Variants in MAST4 observed in about 807,000 individuals in gnomAD.
The protein encoded by MAST4 is microtubule-associated serine/threonine-protein kinase 4.
MAST4 carries 89 observed loss-of-function variants against 162.7 expected under a neutral mutation model. The ratio of observed to expected loss-of-function variants is 0.55; its 90% CI spans 0.46 to 0.65. MAST4 has a LOEUF of 0.65. Ranked by LOEUF, MAST4 falls within the 30% of genes least tolerant of loss-of-function variation. The pLI, the probability that MAST4 is intolerant of heterozygous loss-of-function variation, is 0.00. For missense variants in MAST4, 3,153 were observed against 3,374.0 expected (o/e 0.93, Z 1.62); for synonymous variants, 1,479 against 1,361.1 (o/e 1.09, Z -1.91).
intron 1 of MAST4, among the ~76,000 whole-genome samples, chr5:66,652,920 T>C (rs956825949): frequency 1.3e-5 from 2 of 152,220 alleles, no homozygotes; most frequent in Non-Finnish European, 2.9e-5. Context: ...TGAATCACTG[T>C]GCTCTTGATC....
chr5:66,969,316 T>C (rs59307039), intron 4 of MAST4, among the ~76,000 whole-genome samples: 23,374 of 152,102 alleles, frequency 0.15, 3,093 homozygotes, highest in African/African-American at 0.36. Flanking sequence ...GACTAGGAGT[T>C]ATGGTGCCTG....
At chr5:66,701,872 ATACTC>A (rs1413928796) in intron 1 of MAST4, among the ~76,000 whole-genome samples, 4 of 152,238 alleles carry the variant, frequency 2.6e-5, no homozygotes, top group African/African-American at 9.6e-5. Flanking sequence ...TTAGAGGACT[ATACTC>A]TACCTAAAAC....
chr5:66,692,304 G>T (rs547769535), intron 1 of MAST4, among the ~76,000 whole-genome samples: 13 of 152,012 alleles, frequency 8.6e-5, no homozygotes, highest in South Asian at 2.1e-4. Flanking sequence ...TATTCTTTTC[G>T]TTGCTTTTCT....
intron 3 of MAST4, among the ~76,000 whole-genome samples, chr5:66,894,622 C>T (rs1762563413): frequency 6.6e-6 from 1 of 152,134 alleles, no homozygotes; most frequent in Non-Finnish European, 1.5e-5. Flanking sequence ...TAGGATGAGG[C>T]CACCAATGAC....
chr5:67,142,588 G>T, intron 21 of MAST4, 55 bp downstream of exon 21: 2 of 1,187,212 alleles, frequency 1.7e-6, no homozygotes, highest in Non-Finnish European at 2.4e-6. Flanking sequence ...TCTCCCGCTG[G>T]CCAGATAGTA....
At chr5:66,693,897 C>A (rs989524931) in intron 1 of MAST4, among the ~76,000 whole-genome samples, 2 of 152,184 alleles carry the variant, frequency 1.3e-5, no homozygotes, top group Non-Finnish European at 1.5e-5. Flanking sequence ...ACAAAAAAAG[C>A]TTTATACAAG....
chr5:66,784,657 C>A (rs1379728019), intron 2 of MAST4, among the ~76,000 whole-genome samples: 3 of 151,942 alleles, frequency 2.0e-5, no homozygotes, highest in African/African-American at 7.3e-5. Flanking sequence ...CAATATTATT[C>A]TTTTGTGTGT....
intron 3 of MAST4, among the ~76,000 whole-genome samples, chr5:66,800,015 C>T (rs943944432): frequency 6.6e-6 from 1 of 152,134 alleles, no homozygotes; most frequent in African/African-American, 2.4e-5. Flanking sequence ...TCATCTTGGA[C>T]AAGAGGAGCT....
chr5:67,135,576 C>A (rs1010640350), intron 18 of MAST4, among the ~76,000 whole-genome samples: 1 of 152,172 alleles, frequency 6.6e-6, no homozygotes, highest in Non-Finnish European at 1.5e-5. Context: ...ATTTTGCAAG[C>A]CTTGCATATT....
chr5:67,076,413 T>C (rs534039402), intron 5 of MAST4, among the ~76,000 whole-genome samples: 73 of 151,898 alleles, frequency 4.8e-4, no homozygotes, highest in Non-Finnish European at 8.5e-4. Context: ...ACTAATAGTC[T>C]CTCCATCTGA....
At chr5:67,075,021 G>A (rs970821086) in intron 5 of MAST4, among the ~76,000 whole-genome samples, 1 of 152,128 alleles carries the variant, frequency 6.6e-6, no homozygotes, top group Non-Finnish European at 1.5e-5. Flanking sequence ...CAGTACTAAA[G>A]TTATCCCCTC....
chr5:66,823,135 C>T (rs190541801), intron 3 of MAST4, among the ~76,000 whole-genome samples: 81 of 152,192 alleles, frequency 5.3e-4, no homozygotes, highest in East Asian at 1.9e-3. Flanking sequence ...CCTGCCATGT[C>T]GTGAAGAAGG....
At chr5:67,027,479 A>G (rs1001179083) in intron 4 of MAST4, among the ~76,000 whole-genome samples, 12 of 152,312 alleles carry the variant, frequency 7.9e-5, no homozygotes, top group Non-Finnish European at 1.6e-4. Flanking sequence ...TAGTTTAGTG[A>G]TGGAGTCTTA....
chr5:66,764,244 CCTT>C (rs1235357560), intron 2 of MAST4, among the ~76,000 whole-genome samples: 5 of 152,154 alleles, frequency 3.3e-5, no homozygotes, highest in African/African-American at 7.2e-5. Context: ...TATGTGTCTA[CCTT>C]CTTCTTTAGA....
chr5:66,826,612 C>G (rs999137286), intron 3 of MAST4, among the ~76,000 whole-genome samples: 17 of 152,094 alleles, frequency 1.1e-4, no homozygotes, highest in African/African-American at 3.9e-4. Flanking sequence ...CCACCCCCCC[C>G]AATCCCCCGT....
chr5:67,091,479 A>G (rs1234846572), intron 6 of MAST4, among the ~76,000 whole-genome samples: 1 of 152,188 alleles, frequency 6.6e-6, no homozygotes, highest in Non-Finnish European at 1.5e-5. Flanking sequence ...TTAGTACTGT[A>G]AGAAAATGTA....
At chr5:66,988,347 G>A (rs950895568) in intron 4 of MAST4, among the ~76,000 whole-genome samples, 3 of 152,166 alleles carry the variant, frequency 2.0e-5, no homozygotes, top group African/African-American at 4.8e-5. Context: ...ATATATGGGT[G>A]TATCTGCCTG....
chr5:67,141,625 A>T (rs549105248), intron 19 of MAST4, among the ~76,000 whole-genome samples: 1 of 152,218 alleles, frequency 6.6e-6, no homozygotes, highest in Non-Finnish European at 1.5e-5. Flanking sequence ...ATTCTTATCT[A>T]TGTTAATGAG....
At chr5:66,764,099 A>G (rs561324830) in intron 2 of MAST4, among the ~76,000 whole-genome samples, 60 of 152,328 alleles carry the variant, frequency 3.9e-4, no homozygotes, top group African/African-American at 1.4e-3. Flanking sequence ...CATAACTGCA[A>G]ACATCTCAAT....
Sources: allele counts gnomAD v4.1 joint callset (sites outside exome capture counted in the v4.1 genomes callset), GRCh38; gene constraint gnomAD v4.1.1; transcripts MANE v1.5; gene names NCBI Gene and HGNC (gene_info 2026-07-23, HGNC 2026-07-21).